The following PRR14 variants were observed in gnomAD, a reference collection of about 807,000 sequenced individuals.
PRR14 encodes the protein proline rich 14.
A neutral mutation model predicts 57.2 loss-of-function variants in PRR14; 33 were observed. The observed-to-expected ratio is 0.58, with a 90% CI of 0.44 to 0.77. PRR14 has a LOEUF of 0.77. Ranked by LOEUF, PRR14 falls within the 30% of genes least tolerant of loss-of-function variation. The pLI is 0.00. For missense variants in PRR14, 716 were observed against 788.1 expected (o/e 0.91, Z 1.10); for synonymous variants, 303 against 314.7 (o/e 0.96, Z 0.39).
intron 3 of PRR14, chr16:30,652,199 C>T (rs1302603569): frequency 1.5e-6 from 1 of 647,522 alleles, no homozygotes; most frequent in Non-Finnish European, 2.8e-6. Flanking sequence ...ATCCCTGTAA[C>T]TCTGAGAAAC....
intron 6 of PRR14, 24 bp downstream of exon 6, chr16:30,653,432 A>T: frequency 6.2e-7 from 1 of 1,610,566 alleles, no homozygotes; most frequent in Non-Finnish European, 8.5e-7. Context: ...AGTAGGGATT[A>T]TCAAAGGATC....
intron 7 of PRR14, 112 bp from the exon 8 acceptor site, chr16:30,654,517 C>G: frequency 2.0e-6 from 2 of 1,001,078 alleles, no homozygotes; most frequent in Non-Finnish European, 3.0e-6. Context: ...AAATGCAGAA[C>G]TTAGTGTTTT....
upstream of PRR14, chr16:30,650,780 A>C (rs2052302917): frequency 1.3e-5 from 3 of 228,418 alleles, no homozygotes; most frequent in Non-Finnish European, 2.9e-5. Flanking sequence ...GGAGCTGCGG[A>C]AGACCCGGGA....
intron 6 of PRR14, 21 bp downstream of exon 6, chr16:30,653,429 A>T: frequency 6.2e-7 from 1 of 1,611,612 alleles, no homozygotes; most frequent in Non-Finnish European, 8.5e-7. Context: ...TGGAGTAGGG[A>T]TTATCAAAGG....
Position 30,653,034 on chromosome 16 carries a change from GGACCGGGCCCCCCAGCCCAC to G in PRR14, c.436_455del (p.Asp146ProfsTer12). 1 of 1,613,988 alleles carries G rather than the reference GGACCGGGCCCCCCAGCCCAC, an allele frequency of 6.2e-7. No homozygotes were observed. The highest frequency in any genetic ancestry group is 8.5e-7 in the Non-Finnish European group (1 of 1,179,980). On this transcript the variant is annotated frameshift_variant, in exon 5 of 12. Transcript: ENST00000300835. LOFTEE classifies it high-confidence loss of function. The stretch of plus-strand genomic sequence containing the variant: ...CAGAGGAGGGCCCTTCACAAAAGGT[GGACCGGGCCCCCCAGCCCAC>G]CCTGGTGGTGATGCTGGAAGACATC...
At chr16:30,652,634 G>A in intron 3 of PRR14, 87 bp from the exon 4 acceptor site, 1 of 1,505,658 alleles carries the variant, frequency 6.6e-7, no homozygotes. Context: ...TTATGTTTGT[G>A]GCTCAGGGCA....
rs949968223 is a variant in PRR14, at chr16:30,651,584, C to G, written c.-50-12C>G. ...CCTCACCCCCCGCTCCCCCGCTCCC[C>G]CCTTACCCCAGGCCGCAGCCTGGGA... On this transcript the variant is annotated splice_polypyrimidine_tract_variant and intron_variant, in intron 1 of 11. Transcript: ENST00000300835. The surrounding 1 kb of genome is among the most constrained non-coding windows in gnomAD (Gnocchi z 5.0). 8.5e-6 allele frequency: 11 copies of G among 1,293,384 alleles called. 1 individual carries two copies. The allele number at this position is 1,293,384 out of a possible 1,614,324, so 80.1% of individuals were successfully genotyped here.
Position 30,655,488 on chromosome 16 carries a change from C to G in PRR14, c.1315-14C>G, listed in dbSNP as rs753559517. On this transcript the variant is annotated splice_polypyrimidine_tract_variant and intron_variant, in intron 9 of 11. Coordinates refer to ENST00000300835, the MANE Select transcript of PRR14 (RefSeq NM_024031.5). This position sits in a 1 kb window ranked among gnomAD's most constrained non-coding sequence, Gnocchi z 4.6. ...GCCCATGTCACTCTTTCACCCTCTG[C>G]CCCATTTTTGCAGACCATGGGAAAG... is the stretch of plus-strand genomic sequence containing the variant. 2 of 1,613,760 alleles carry G rather than the reference C, an allele frequency of 1.2e-6. No individual in the cohort carries two copies. Among genetic ancestry groups the G allele is most frequent in the Non-Finnish European group, 1.7e-6 (2 of 1,179,724 alleles).
Position 30,655,274 on chromosome 16 carries a change from C to T in PRR14, c.1244+60C>T. On this transcript the variant is annotated intron_variant, in intron 8 of 11. Coordinates refer to ENST00000300835, the MANE Select transcript of PRR14 (RefSeq NM_024031.5). This position sits in a 1 kb window ranked among gnomAD's most constrained non-coding sequence, Gnocchi z 4.6. ...TGCAGCCTGGTCCCAGCCTCCTTCC[C>T]TGAGTATCCAGTGGGCAGGAGACGG... The T allele has an allele frequency of 1.2e-6, 2 of 1,603,996 alleles. No individual in the cohort carries two copies. The highest frequency in any genetic ancestry group is 2.2e-5 in the East Asian group (1 of 44,770).
chr16:30,653,222 C>T (rs772715310), intron 5 of PRR14, 119 bp downstream of exon 5: 277 of 1,351,550 alleles, frequency 2.0e-4, no homozygotes, highest in Non-Finnish European at 2.7e-4. Context: ...GCATTTTAGG[C>T]GGCAGACACT....
Position 30,654,276 on chromosome 16 carries a change from G to A in PRR14, c.595G>A (p.Asp199Asn), listed in dbSNP as rs770643487. The A allele has an allele frequency of 6.2e-7, 1 of 1,614,102 alleles. No individual in the cohort carries two copies. Among genetic ancestry groups the A allele is most frequent in the Non-Finnish European group, 8.5e-7 (1 of 1,180,008 alleles). Residue 199 changes from aspartate to asparagine, a missense_variant, in exon 7 of 12, where the codon GAC becomes AAC. Physicochemically the swap from Asp to Asn is conservative, Grantham distance 23 (BLOSUM62 1). Coordinates refer to ENST00000300835, the MANE Select transcript of PRR14 (RefSeq NM_024031.5). ...TCGCCAGCCAACGCCTCCACCTGGG[G>A]ACCTAGAACCCCCATTCCAGCCATC... ...IVRQPTPPPG[D>N]LEPPFQPSAL...
At position 30,653,038 on chromosome 16, in the gene PRR14, C is replaced by G. The variant is rs146665318; in HGVS notation, c.439C>G (p.Arg147Gly). ...GGAGGGCCCTTCACAAAAGGTGGAC[C>G]GGGCCCCCCAGCCCACCCTGGTGGT... ...PEEGPSQKVD[R>G]APQPTLVVML... The change falls in exon 5 of 12, where the codon CGG (arginine) becomes GGG (glycine). Residue 147 changes from arginine (R) to glycine (G), a missense_variant. Transcript: ENST00000300835. The G allele has an allele frequency of 6.2e-6, 10 of 1,613,794 alleles. No homozygotes were observed. Among genetic ancestry groups the G allele is most frequent in the Non-Finnish European group, 7.6e-6 (9 of 1,179,944 alleles).
intron 3 of PRR14, 100 bp downstream of exon 3, chr16:30,652,064 A>C (rs1050867523): frequency 1.5e-6 from 2 of 1,318,096 alleles, no homozygotes; most frequent in African/African-American, 1.5e-5. Context: ...GTCCAAATCC[A>C]TCATTGTTGT....
chr16:30,655,247 G>A lies in PRR14; in HGVS notation c.1244+33G>A, dbSNP rs769504201. On this transcript the variant is annotated intron_variant, in intron 8 of 11. Coordinates refer to ENST00000300835, the MANE Select transcript of PRR14 (RefSeq NM_024031.5). The surrounding 1 kb of genome is among the most constrained non-coding windows in gnomAD (Gnocchi z 4.6). ...TCTCAAAAAACCCCCTTGAAGCCTG[G>A]CTGCAGCCTGGTCCCAGCCTCCTTC... 10 of 1,595,020 alleles carry A rather than the reference G, an allele frequency of 6.3e-6. No individual in the cohort carries two copies. In the East Asian group the frequency reaches 2.2e-4, roughly 36 times the overall value.
Position 30,654,413 on chromosome 16 carries a change from A to G in PRR14, c.658+74A>G, listed in dbSNP as rs529478698. Reference sequence around the variant, plus strand: ...CTAGTTGAGCTTGGAAGTGTCAGGTACAGAGTTGGGGATAGGGCTTAAGCC... The same window carrying G: ...CTAGTTGAGCTTGGAAGTGTCAGGTGCAGAGTTGGGGATAGGGCTTAAGCC... On this transcript the variant is annotated intron_variant, in intron 7 of 11. Transcript: ENST00000300835. The G allele has an allele frequency of 3.8e-6, 5 of 1,326,226 alleles. No individual in the cohort carries two copies. The African/African-American group carries it at 4.3e-5, about 11-fold the overall frequency. The allele number at this position is 1,326,226 out of a possible 1,614,324, so 82.2% of individuals were successfully genotyped here.
intron 6 of PRR14, among the ~76,000 whole-genome samples, chr16:30,653,815 C>T (rs953022317): frequency 4.6e-5 from 7 of 152,166 alleles, no homozygotes; most frequent in African/African-American, 9.7e-5. Context: ...TACAGGCATC[C>T]GCCACAATGC....
chr16:30,653,334 C>A, intron 5 of PRR14, 31 bp from the exon 6 acceptor site: 1 of 1,612,154 alleles, frequency 6.2e-7, no homozygotes, highest in Non-Finnish European at 8.5e-7. Context: ...GCTTTCCTGC[C>A]TCCCCACAAA....
In PRR14 at chr16:30,655,019, C is replaced by T; in HGVS notation, c.1049C>T (p.Ala350Val). The T allele has an allele frequency of 6.2e-7, 1 of 1,610,412 alleles. No individual in the cohort carries two copies. The highest frequency in any genetic ancestry group is 8.5e-7 in the Non-Finnish European group (1 of 1,179,786). Residue 350 changes from alanine (A) to valine (V), a missense_variant, in exon 8 of 12, where the codon GCT becomes GTT. By Grantham distance (64) the Ala-to-Val change is moderately conservative. Transcript: ENST00000300835. The surrounding 1 kb of genome is among the most constrained non-coding windows in gnomAD (Gnocchi z 4.6). ...PGPGTCTWPP[A>V]PPQPSRPRPR... ...CCAGGTACCTGCACCTGGCCACCTG[C>T]TCCACCCCAACCAAGCCGACCACGG...
chr16:30,650,921 A>C, upstream of PRR14: 1 of 428,262 alleles, frequency 2.3e-6, no homozygotes, highest in Non-Finnish European at 4.9e-6. Flanking sequence ...CTGGGCGGGG[A>C]CGCGAGGAGG....
Sources: allele counts gnomAD v4.1 joint callset (sites outside exome capture counted in the v4.1 genomes callset), GRCh38; gene constraint gnomAD v4.1.1; non-coding constraint Gnocchi (gnomAD v3.1); transcripts MANE v1.5; gene names NCBI Gene and HGNC (gene_info 2026-07-23, HGNC 2026-07-21).